IPO7: variants seen among roughly 807,000 people sequenced by gnomAD.
IPO7 encodes the protein importin-7.
A neutral mutation model predicts 136.4 loss-of-function variants in IPO7; 13 were observed. The observed-to-expected ratio is 0.10, with a 90% CI of 0.06 to 0.15. The LOEUF (loss-of-function observed/expected upper bound fraction) is 0.15. Among genes scored for constraint, IPO7 ranks in the 10% least tolerant of loss-of-function variants. The probability of loss-of-function intolerance (pLI) is 1.00; values close to 1 mark genes in which losing one functional copy is unlikely to be tolerated. For missense variants in IPO7, 857 were observed against 1,240.6 expected, an observed-to-expected ratio of 0.69 and a Z score of 4.65; for synonymous variants, 403 against 404.4, an observed-to-expected ratio of 1.00 and a Z score of 0.04.
Position 9,445,486 on chromosome 11 carries a change from C to T in IPO7, c.*292C>T. 3.9e-6 allele frequency: 1 copy of T among 257,742 alleles called. No individual in the cohort carries two copies. The highest frequency in any genetic ancestry group is 7.1e-5 in the East Asian group (1 of 14,146). The allele number at this position is 257,742 out of a possible 1,614,324, so 16.0% of individuals were successfully genotyped here. A position where few individuals can be genotyped will look rare whatever the true frequency, so the allele number is the denominator to read the frequency against. ...AGCTTCAAAGTGACACTGTGGAAAT[C>T]TGAAACGAGGGGATGTCATGAAGGC... On this transcript the variant is annotated 3_prime_UTR_variant, in exon 25 of 25. Transcript: ENST00000379719.
chr11:9,410,906 CT>C (rs1854959878), intron 4 of IPO7, among the ~76,000 whole-genome samples: 1 of 152,194 alleles, frequency 6.6e-6, no homozygotes, highest in Admixed American at 6.5e-5. Context: ...AATTCTGGGA[CT>C]TGCAGTTAGC....
chr11:9,391,920 C>G (rs1854638801), intron 1 of IPO7, among the ~76,000 whole-genome samples: 1 of 152,046 alleles, frequency 6.6e-6, no homozygotes, highest in Non-Finnish European at 1.5e-5. Flanking sequence ...GCGTGCACCA[C>G]CACACCTGCC....
intron 20 of IPO7, among the ~76,000 whole-genome samples, 199 bp from the exon 21 acceptor site, chr11:9,437,555 G>A (rs1203556206): frequency 2.0e-5 from 3 of 152,110 alleles, no homozygotes; most frequent in Non-Finnish European, 4.4e-5. Flanking sequence ...CTCCCGGCCC[G>A]TCGTGAGCTT....
intron 8 of IPO7, 138 bp downstream of exon 8, chr11:9,420,836 A>T: frequency 1.6e-6 from 1 of 617,734 alleles, no homozygotes. Context: ...TTTTGGTCTC[A>T]GGATCTCTTT....
At chr11:9,435,053 G>T (rs1281303506) in intron 19 of IPO7, 22 bp downstream of exon 19, 1 of 1,327,400 alleles carries the variant, frequency 7.5e-7, no homozygotes, top group Non-Finnish European at 1.1e-6. Context: ...TTATATATCA[G>T]ATTTCATGAG....
intron 5 of IPO7, among the ~76,000 whole-genome samples, chr11:9,415,617 T>C (rs1431928667): frequency 6.6e-6 from 1 of 152,112 alleles, no homozygotes; most frequent in Non-Finnish European, 1.5e-5. Flanking sequence ...GGCGGGCGGA[T>C]CACGAGGTCA....
At chr11:9,393,461 C>T (rs976651603) in intron 1 of IPO7, among the ~76,000 whole-genome samples, 2 of 152,156 alleles carry the variant, frequency 1.3e-5, no homozygotes, top group African/African-American at 4.8e-5. Flanking sequence ...CTCACTGCAA[C>T]CTCCGTCTCC....
Position 9,414,412 on chromosome 11 carries a change from G to GTAA in IPO7, c.636+4_636+6dup. The stretch of plus-strand genomic sequence containing the variant: ...CAAGATCTTCTATGCTCTTGTTCAG[G>GTAA]TAATATCTGTGAAGCAGTTTTTATG... On this transcript the variant is annotated splice_donor_variant, in intron 5 of 24. Coordinates refer to ENST00000379719, the MANE Select transcript of IPO7 (RefSeq NM_006391.3). LOFTEE classifies it high-confidence loss of function. The GTAA allele has an allele frequency of 6.3e-7, 1 of 1,578,180 alleles. No homozygotes were observed. Among genetic ancestry groups the GTAA allele is most frequent in the Non-Finnish European group, 8.6e-7 (1 of 1,163,356 alleles).
At chr11:9,442,223 T>G in intron 24 of IPO7, 26 bp downstream of exon 24, 1 of 1,005,780 alleles carries the variant, frequency 9.9e-7, no homozygotes, top group South Asian at 1.4e-5. Flanking sequence ...GTAACTCCTC[T>G]TTAATTAGTG....
In IPO7 at chr11:9,445,393, G is replaced by A. The variant is rs1196933571; in HGVS notation, c.*199G>A. The stretch of plus-strand genomic sequence containing the variant: ...AATCAGCGGGATTTTGGGGGTGGGG[G>A]GGGATGGGAGGTACCTTAGAGGGAG... On this transcript the variant is annotated 3_prime_UTR_variant, in exon 25 of 25. Coordinates refer to ENST00000379719, the MANE Select transcript of IPO7 (RefSeq NM_006391.3). 2 of 376,992 alleles carry A rather than the reference G, an allele frequency of 5.3e-6. No homozygotes were observed. Among genetic ancestry groups the A allele is most frequent in the Non-Finnish European group, 9.7e-6 (2 of 206,186 alleles). The allele number at this position is 376,992 out of a possible 1,614,324, so 23.4% of individuals were successfully genotyped here.
chr11:9,409,775 A>C (rs1003644872), intron 3 of IPO7, among the ~76,000 whole-genome samples, 153 bp from the exon 4 acceptor site: 10 of 152,218 alleles, frequency 6.6e-5, no homozygotes, highest in African/African-American at 2.4e-4. Flanking sequence ...TTGCTCAGTG[A>C]CTTATTCTGA....
At chr11:9,426,915 C>CT (rs1353968354) in intron 12 of IPO7, among the ~76,000 whole-genome samples, 1 of 151,668 alleles carries the variant, frequency 6.6e-6, no homozygotes, top group Non-Finnish European at 1.5e-5. Context: ...CCCCGCCCCC[C>CT]CGCCATATGC....
intron 12 of IPO7, among the ~76,000 whole-genome samples, chr11:9,427,511 C>T (rs1361507057): frequency 3.3e-5 from 5 of 152,182 alleles, no homozygotes; most frequent in Non-Finnish European, 2.9e-5. Context: ...CCACCCGCCT[C>T]GGCTTCCCAA....
chr11:9,395,734 T>A (rs1854698834), intron 1 of IPO7, among the ~76,000 whole-genome samples: 1 of 151,990 alleles, frequency 6.6e-6, no homozygotes, highest in Admixed American at 6.6e-5. Context: ...TGCTTTTTTT[T>A]GAGACGGAGG....
At position 9,416,098 on chromosome 11, in the gene IPO7, T is replaced by C. The variant is rs115500332; in HGVS notation, c.637-961T>C. Among the ~76,000 whole-genome samples the C allele has an allele frequency of 1.4e-3, 219 of 152,238 alleles. 2 individuals carry two copies. Among genetic ancestry groups the C allele is most frequent in the African/African-American group, 5.0e-3 (209 of 41,544 alleles). ...CCTGTAATCCCAGTTATTCTGGAGGTTGAGGTTGGAGGATTGCTTGAAACC... is the reference window on the plus strand; with the variant it reads ...CCTGTAATCCCAGTTATTCTGGAGGCTGAGGTTGGAGGATTGCTTGAAACC... On this transcript the variant is annotated intron_variant, in intron 5 of 24. Transcript: ENST00000379719.
At chr11:9,436,682 TTTG>T (rs1196059914) in intron 20 of IPO7, among the ~76,000 whole-genome samples, 1 of 149,672 alleles carries the variant, frequency 6.7e-6, no homozygotes, top group African/African-American at 2.4e-5. Context: ...TTGTTTGTTT[TTTG>T]TTTTTTGTTT....
chr11:9,420,824 AT>A, intron 8 of IPO7, 126 bp downstream of exon 8: 1 of 641,374 alleles, frequency 1.6e-6, no homozygotes, highest in Non-Finnish European at 2.7e-6. Flanking sequence ...GGTCTCAAAC[AT>A]TTTTGGTCTC....
At chr11:9,424,063 A>G (rs539512034) in intron 10 of IPO7, among the ~76,000 whole-genome samples, 187 bp downstream of exon 10, 72 of 152,302 alleles carry the variant, frequency 4.7e-4, no homozygotes, top group African/African-American at 1.7e-3. Context: ...TATTTTTGGC[A>G]GACACAAATT....
At chr11:9,401,908 T>C (rs942824471) in intron 1 of IPO7, among the ~76,000 whole-genome samples, 1 of 152,188 alleles carries the variant, frequency 6.6e-6, no homozygotes, top group Non-Finnish European at 1.5e-5. Context: ...CCTTGGACAC[T>C]ACCCCCAAAC....
Sources: allele counts gnomAD v4.1 joint callset (sites outside exome capture counted in the v4.1 genomes callset), GRCh38; gene constraint gnomAD v4.1.1; transcripts MANE v1.5; gene names NCBI Gene and HGNC (gene_info 2026-07-23, HGNC 2026-07-21).